The following CDK14 variants were observed in gnomAD, a reference collection of about 807,000 sequenced individuals.
The protein encoded by CDK14 is cyclin dependent kinase 14, also known as cyclin-dependent kinase 14.
In CDK14, 34 loss-of-function variants were observed where a neutral mutation model predicts 60.7. The observed-to-expected ratio is 0.56, with a 90% CI of 0.43 to 0.75. The LOEUF (loss-of-function observed/expected upper bound fraction) is 0.75. Among genes scored for constraint, CDK14 ranks in the 30% least tolerant of loss-of-function variants. CDK14 has a pLI of 0.00. For missense variants in CDK14, 482 were observed against 564.1 expected (o/e 0.85, Z 1.47); for synonymous variants, 197 against 203.7 (o/e 0.97, Z 0.28).
intron 7 of CDK14, among the ~76,000 whole-genome samples, chr7:90,914,818 T>G (rs1584118431): frequency 6.6e-6 from 1 of 152,208 alleles, no homozygotes; most frequent in Admixed American, 6.5e-5. Flanking sequence ...GAGAATTCCA[T>G]TCCAAGGCGC....
chr7:90,867,539 T>C (rs1791228835), intron 6 of CDK14, among the ~76,000 whole-genome samples: 1 of 152,204 alleles, frequency 6.6e-6, no homozygotes, highest in Non-Finnish European at 1.5e-5. Context: ...GCAAAGCATG[T>C]GTAGCAGCAT....
intron 2 of CDK14, among the ~76,000 whole-genome samples, chr7:90,706,379 T>A (rs1249175309): frequency 1.3e-5 from 2 of 152,178 alleles, no homozygotes; most frequent in Non-Finnish European, 2.9e-5. Context: ...ACTCTACATA[T>A]GTCCACAGAA....
At chr7:90,926,672 C>G (rs1027252086) in intron 8 of CDK14, among the ~76,000 whole-genome samples, 4 of 152,114 alleles carry the variant, frequency 2.6e-5, no homozygotes, top group African/African-American at 9.7e-5. Flanking sequence ...CACCAATAAC[C>G]AATTCACCAA....
At chr7:90,793,098 C>G (rs904429911) in intron 5 of CDK14, among the ~76,000 whole-genome samples, 3 of 146,060 alleles carry the variant, frequency 2.1e-5, no homozygotes, top group African/African-American at 7.5e-5. Context: ...TCTTTCCACT[C>G]TGTATATAAT....
At chr7:90,882,122 A>G (rs959714215) in intron 6 of CDK14, among the ~76,000 whole-genome samples, 1 of 152,192 alleles carries the variant, frequency 6.6e-6, no homozygotes, top group Admixed American at 6.5e-5. Context: ...AAATGCCTCA[A>G]TTAAAAGACA....
intron 2 of CDK14, among the ~76,000 whole-genome samples, chr7:90,688,207 A>T (rs1801479278): frequency 6.6e-6 from 1 of 152,166 alleles, no homozygotes; most frequent in Non-Finnish European, 1.5e-5. Flanking sequence ...ACATCTAATA[A>T]AATGATTGTT....
chr7:91,173,762 G>A (rs1444392122), intron 14 of CDK14, among the ~76,000 whole-genome samples: 3 of 152,300 alleles, frequency 2.0e-5, no homozygotes, highest in Admixed American at 6.5e-5. Flanking sequence ...CTTAAAAAAC[G>A]GCTCACCACG....
At chr7:90,744,321 T>C (rs1469168235) in intron 3 of CDK14, among the ~76,000 whole-genome samples, 1 of 152,056 alleles carries the variant, frequency 6.6e-6, no homozygotes, top group African/African-American at 2.4e-5. Flanking sequence ...GAGCACAGGG[T>C]TGGGGGTAAG....
intron 2 of CDK14, among the ~76,000 whole-genome samples, chr7:90,721,120 C>T (rs182817790): frequency 6.6e-6 from 1 of 152,296 alleles, no homozygotes; most frequent in East Asian, 1.9e-4. Context: ...GCCCTTTAGC[C>T]TGTTGCATTA....
At position 90,997,711 on chromosome 7, in the gene CDK14, G is replaced by A. The variant is rs369930117; in HGVS notation, c.1041+13470G>A. On this transcript the variant is annotated intron_variant, in intron 10 of 14. Transcript: ENST00000380050. ...AACCTTTTTGGGAGAATAATATTAGGTTCTTTTCTTGGCTCTCATATTATT... is the reference window on the plus strand; with the variant it reads ...AACCTTTTTGGGAGAATAATATTAGATTCTTTTCTTGGCTCTCATATTATT... Among the ~76,000 whole-genome samples the A allele has an allele frequency of 2.6e-5, 4 of 152,086 alleles. No individual in the cohort carries two copies. In the South Asian group the frequency reaches 6.2e-4, roughly 24 times the overall value.
At chr7:90,797,147 A>G (rs902153822) in intron 5 of CDK14, among the ~76,000 whole-genome samples, 5 of 151,840 alleles carry the variant, frequency 3.3e-5, no homozygotes, top group Non-Finnish European at 1.5e-5. Context: ...GAAAAAAAGT[A>G]CCACAGCCTG....
intron 10 of CDK14, among the ~76,000 whole-genome samples, chr7:91,008,138 A>AC (rs1796036483): frequency 6.9e-6 from 1 of 145,824 alleles, no homozygotes; most frequent in South Asian, 2.2e-4. Flanking sequence ...AAAAAAAAAA[A>AC]AAAAAAACAA....
chr7:91,149,796 C>G (rs1336238123), intron 14 of CDK14, among the ~76,000 whole-genome samples: 1 of 152,162 alleles, frequency 6.6e-6, no homozygotes, highest in South Asian at 2.1e-4. Context: ...TTCTGGTTGC[C>G]CTGATACATT....
At chr7:91,181,634 A>G (rs910332694) in intron 14 of CDK14, among the ~76,000 whole-genome samples, 1 of 152,184 alleles carries the variant, frequency 6.6e-6, no homozygotes, top group African/African-American at 2.4e-5. Flanking sequence ...TATAGAAAAG[A>G]CAAGATGAAG....
chr7:91,096,616 T>C (rs1371639242), intron 12 of CDK14, among the ~76,000 whole-genome samples: 1 of 152,186 alleles, frequency 6.6e-6, no homozygotes, highest in African/African-American at 2.4e-5. Context: ...TCATTACAGC[T>C]ATCCTCATGG....
intron 7 of CDK14, among the ~76,000 whole-genome samples, chr7:90,906,669 C>T (rs1361486605): frequency 6.6e-6 from 1 of 151,786 alleles, no homozygotes. Flanking sequence ...TGTGGATATC[C>T]TGCACTTAAG....
At chr7:90,928,562 C>T (rs2117460619) in intron 8 of CDK14, among the ~76,000 whole-genome samples, 1 of 152,306 alleles carries the variant, frequency 6.6e-6, no homozygotes, top group South Asian at 2.1e-4. Context: ...GCAGATGTTA[C>T]TCCCTGATCT....
At chr7:90,649,612 C>T (rs1386519864) in intron 2 of CDK14, among the ~76,000 whole-genome samples, 2 of 151,552 alleles carry the variant, frequency 1.3e-5, no homozygotes, top group Admixed American at 6.6e-5. Context: ...CCTCCCCCTG[C>T]ACCCCATCCC....
chr7:90,722,452 T>A (rs1416120857), intron 2 of CDK14, among the ~76,000 whole-genome samples: 1 of 152,138 alleles, frequency 6.6e-6, no homozygotes, highest in African/African-American at 2.4e-5. Context: ...ATGATCCACC[T>A]GCCACAGCTT....
Sources: gnomAD v4.1 joint callset for allele counts (sites outside exome capture counted in the v4.1 genomes callset) on GRCh38, gnomAD v4.1.1 for gene constraint, MANE v1.5 for transcripts, NCBI Gene and HGNC (gene_info 2026-07-23, HGNC 2026-07-21) for gene names.